Variants in MYOCD observed in about 807,000 individuals in gnomAD.
MYOCD encodes myocardin.
MYOCD carries 32 observed loss-of-function variants against 96.1 expected under a neutral mutation model. That is an observed-to-expected ratio of 0.33 (90% CI 0.25 to 0.45). The LOEUF is 0.45. Ranked by LOEUF, MYOCD falls within the 20% of genes least tolerant of loss-of-function variation. MYOCD has a pLI of 1.00. For synonymous variants in MYOCD, 469 were observed against 469.0 expected, an observed-to-expected ratio of 1.00 and a Z score of 0.00; for missense variants, 1,133 against 1,200.6, an observed-to-expected ratio of 0.94 and a Z score of 0.83.
At chr17:12,730,844 A>T (rs1347915040) in intron 5 of MYOCD, among the ~76,000 whole-genome samples, 1 of 152,162 alleles carries the variant, frequency 6.6e-6, no homozygotes, top group Non-Finnish European at 1.5e-5. Flanking sequence ...ATTCTACTTC[A>T]TGGTTTCCTG....
Position 12,700,539 on chromosome 17 carries a change from G to A in MYOCD, c.56-4589G>A, listed in dbSNP as rs762965044. 2.8e-4 allele frequency among the ~76,000 whole-genome samples: 41 copies of A among 146,562 alleles called. No individual in the cohort carries two copies. The South Asian group carries it at 3.5e-3, about 13-fold the overall frequency. ...CGCCATTCTCCTGCCTCAGCCTCCCGAGTAGCTGGGACTACAGGCACCCCC... is the reference window on the plus strand; with the variant it reads ...CGCCATTCTCCTGCCTCAGCCTCCCAAGTAGCTGGGACTACAGGCACCCCC... On this transcript the variant is annotated intron_variant, in intron 1 of 13. Transcript: ENST00000425538.
At chr17:12,726,865 T>G (rs1347309323) in intron 5 of MYOCD, among the ~76,000 whole-genome samples, 1 of 152,242 alleles carries the variant, frequency 6.6e-6, no homozygotes, top group African/African-American at 2.4e-5. Flanking sequence ...CCAGTGCCTT[T>G]TCCAAGAGTA....
chr17:12,727,695 C>G (rs2032039720), intron 5 of MYOCD, among the ~76,000 whole-genome samples: 1 of 152,196 alleles, frequency 6.6e-6, no homozygotes, highest in Non-Finnish European at 1.5e-5. Flanking sequence ...AATTCTCCAA[C>G]CCTGCAATAG....
At chr17:12,753,448 G>C (rs1430339752) in intron 10 of MYOCD, 102 bp downstream of exon 10, 2 of 1,086,080 alleles carry the variant, frequency 1.8e-6, no homozygotes, top group African/African-American at 1.6e-5. Context: ...CAATGGGAAG[G>C]GTTTACCAAA....
At chr17:12,758,380 G>A in intron 12 of MYOCD, 167 bp downstream of exon 12, 1 of 1,046,802 alleles carries the variant, frequency 9.6e-7, no homozygotes, top group South Asian at 1.6e-5. Context: ...AAACAGTGTT[G>A]CATGTGTAGC....
intron 2 of MYOCD, 144 bp downstream of exon 2, chr17:12,705,337 A>C: frequency 1.7e-6 from 1 of 584,226 alleles, no homozygotes; most frequent in Non-Finnish European, 3.1e-6. Context: ...GAAATCCCAG[A>C]CCTTGGATGC....
In MYOCD at chr17:12,752,683, G is replaced by A. The variant is rs1490269442; in HGVS notation, c.1395G>A (p.Leu465=). The A allele has an allele frequency of 1.2e-6, 2 of 1,614,164 alleles. No homozygotes were observed. Among genetic ancestry groups the A allele is most frequent in the East Asian group, 2.2e-5 (1 of 44,884 alleles). The change falls in exon 10 of 14, where the codon CTG becomes CTA. Residue 465 remains leucine, a synonymous_variant. Coordinates refer to ENST00000425538, the MANE Select transcript of MYOCD (RefSeq NM_001146312.3). ...CGATCTCCCCAGCCTCCTCTGACCT[G>A]TCAGTCGCTGGGTCCCTGCCGGACA... The part of the protein sequence containing the change: ...SPPISPASSD[L]SVAGSLPDTF...
chr17:12,714,590 T>C (rs750189755), intron 2 of MYOCD, among the ~76,000 whole-genome samples: 1 of 152,142 alleles, frequency 6.6e-6, no homozygotes, highest in Admixed American at 6.5e-5. Flanking sequence ...TGGCTCCTGA[T>C]TGAGATTGTT....
chr17:12,738,752 T>C (rs2032419351), intron 6 of MYOCD, among the ~76,000 whole-genome samples: 1 of 151,906 alleles, frequency 6.6e-6, no homozygotes, highest in Non-Finnish European at 1.5e-5. Context: ...ATTCCTACAC[T>C]CACTCTTCCC....
intron 10 of MYOCD, 134 bp from the exon 11 acceptor site, chr17:12,756,280 A>G (rs906753407): frequency 2.9e-6 from 3 of 1,044,662 alleles, no homozygotes; most frequent in African/African-American, 3.2e-5. Flanking sequence ...AGGCAAGTTC[A>G]TCTGGTAATG....
Position 12,752,669 on chromosome 17 carries a change from G to C in MYOCD, c.1381G>C (p.Ala461Pro), listed in dbSNP as rs1207855421. 3 of 1,613,972 alleles carry C rather than the reference G, an allele frequency of 1.9e-6. No homozygotes were observed. The highest frequency in any genetic ancestry group is 2.5e-6 in the Non-Finnish European group (3 of 1,179,992). The part of the protein sequence containing the change: ...STSSSPPISP[A>P]SSDLSVAGSL... ...CAGCTCCAGCCCCCCGATCTCCCCA[G>C]CCTCCTCTGACCTGTCAGTCGCTGG... The change falls in exon 10 of 14, where the codon GCC (alanine) becomes CCC (proline). Residue 461 changes from alanine to proline, a missense_variant. Physicochemically the swap from Ala to Pro is conservative, Grantham distance 27 (BLOSUM62 -1). Coordinates refer to ENST00000425538, the MANE Select transcript of MYOCD (RefSeq NM_001146312.3).
intron 1 of MYOCD, among the ~76,000 whole-genome samples, chr17:12,690,474 T>C (rs2030389486): frequency 6.6e-6 from 1 of 152,084 alleles, no homozygotes; most frequent in Non-Finnish European, 1.5e-5. Context: ...TAAATAGATA[T>C]TGAAGCATAA....
chr17:12,728,107 C>T (rs750469492), intron 5 of MYOCD, among the ~76,000 whole-genome samples: 15 of 152,124 alleles, frequency 9.9e-5, no homozygotes, highest in Admixed American at 2.0e-4. Flanking sequence ...TACATGAAAG[C>T]GATGATTCAT....
chr17:12,762,947 A>G (rs2033222594), intron 13 of MYOCD, 126 bp from the exon 14 acceptor site: 1 of 726,666 alleles, frequency 1.4e-6, no homozygotes, highest in African/African-American at 1.8e-5. Context: ...CTTAGAGATG[A>G]GACTGGGTGG....
intron 1 of MYOCD, among the ~76,000 whole-genome samples, chr17:12,689,830 C>CA (rs1024693573): frequency 9.2e-5 from 14 of 152,112 alleles, no homozygotes; most frequent in African/African-American, 2.9e-4. Flanking sequence ...GACTCAGTCT[C>CA]AAAAAGTTTT....
chr17:12,752,357 AC>A, intron 9 of MYOCD, 56 bp from the exon 10 acceptor site: 3 of 1,422,260 alleles, frequency 2.1e-6, no homozygotes, highest in Non-Finnish European at 2.9e-6. Context: ...TATAATGAAT[AC>A]ACTTTTAAAA....
intron 10 of MYOCD, 58 bp from the exon 11 acceptor site, chr17:12,756,356 A>G: frequency 6.5e-7 from 1 of 1,544,052 alleles, no homozygotes; most frequent in Non-Finnish European, 8.8e-7. Context: ...TTGTCAGCAA[A>G]GGTCACACTC....
chr17:12,707,598 C>T (rs182494255), intron 2 of MYOCD, among the ~76,000 whole-genome samples: 247 of 152,234 alleles, frequency 1.6e-3, no homozygotes, highest in Non-Finnish European at 2.5e-3. Flanking sequence ...CCTGTAGTCC[C>T]AGCTACTCGG....
chr17:12,758,422 GT>G (rs2033075051), intron 12 of MYOCD: 1 of 731,076 alleles, frequency 1.4e-6, no homozygotes, highest in African/African-American at 1.8e-5. Flanking sequence ...AGGGTCACCT[GT>G]CTGGCTTTGG....
Sources: allele counts gnomAD v4.1 joint callset (sites outside exome capture counted in the v4.1 genomes callset), GRCh38; gene constraint gnomAD v4.1.1; transcripts MANE v1.5; gene names NCBI Gene and HGNC (gene_info 2026-07-23, HGNC 2026-07-21).